CCDC73: variants seen among roughly 807,000 people sequenced by gnomAD.
CCDC73 encodes the protein coiled-coil domain containing 73.
A neutral mutation model predicts 116.5 loss-of-function variants in CCDC73; 95 were observed. That is an observed-to-expected ratio of 0.82 (90% CI 0.69 to 0.97). The LOEUF is 0.97. Among genes scored for constraint, CCDC73 ranks in the 50% least tolerant of loss-of-function variants. The pLI, the probability that CCDC73 is intolerant of heterozygous loss-of-function variation, is 0.00. For synonymous variants in CCDC73, 398 were observed against 401.3 expected (o/e 0.99, Z 0.10); for missense variants, 1,066 against 1,206.8 (o/e 0.88, Z 1.73).
At position 32,677,627 on chromosome 11, in the gene CCDC73, A is replaced by G. The variant is rs565094576; in HGVS notation, c.430-1606T>C. Among the ~76,000 whole-genome samples the G allele has an allele frequency of 1.6e-4, 24 of 152,208 alleles. 4 individuals carry two copies. The highest frequency in any genetic ancestry group is 5.3e-4 in the African/African-American group (22 of 41,520). ...ATGCCTCCCCTAAATTTCCTTTTAC[A>G]TAAGTTAACCAGAGCCATTTCTTAT... On this transcript the variant is annotated intron_variant, in intron 7 of 17. Coordinates refer to ENST00000335185, the MANE Select transcript of CCDC73 (RefSeq NM_001008391.4).
chr11:32,672,894 T>C (rs2133284588), intron 9 of CCDC73, among the ~76,000 whole-genome samples: 1 of 152,278 alleles, frequency 6.6e-6, no homozygotes, highest in Middle Eastern at 3.4e-3. Context: ...TACTTTCTGA[T>C]CCCTCAGGTA....
intron 2 of CCDC73, among the ~76,000 whole-genome samples, chr11:32,757,635 G>A (rs1000276302): frequency 6.6e-6 from 1 of 152,170 alleles, no homozygotes; most frequent in Non-Finnish European, 1.5e-5. Context: ...CCATTTCCTT[G>A]CTTCTTCCAG....
intron 9 of CCDC73, among the ~76,000 whole-genome samples, chr11:32,668,523 C>T (rs1856008260): frequency 7.4e-6 from 1 of 134,504 alleles, no homozygotes; most frequent in South Asian, 2.6e-4. Context: ...ATTGGATTTA[C>T]TCAGGATAAA....
At chr11:32,689,188 C>T (rs1455864772) in intron 6 of CCDC73, among the ~76,000 whole-genome samples, 1 of 152,088 alleles carries the variant, frequency 6.6e-6, no homozygotes, top group African/African-American at 2.4e-5. Flanking sequence ...ACTTGGAGTA[C>T]AAAAGGGTAT....
At chr11:32,737,050 T>TGG (rs1850137914) in intron 2 of CCDC73, among the ~76,000 whole-genome samples, 7 of 151,528 alleles carry the variant, frequency 4.6e-5, no homozygotes, top group African/African-American at 1.7e-4. Flanking sequence ...GCCTCCCTAG[T>TGG]AGCTGCAACT....
chr11:32,756,728 G>A (rs1044949818), intron 2 of CCDC73, among the ~76,000 whole-genome samples: 1 of 151,866 alleles, frequency 6.6e-6, no homozygotes, highest in Non-Finnish European at 1.5e-5. Flanking sequence ...AGTAACTGTG[G>A]TTCAGTGTTT....
At chr11:32,761,130 T>G (rs1850388347) in intron 1 of CCDC73, among the ~76,000 whole-genome samples, 1 of 152,178 alleles carries the variant, frequency 6.6e-6, no homozygotes, top group Non-Finnish European at 1.5e-5. Context: ...TCCCCCATCC[T>G]TAACTCTGAG....
intron 17 of CCDC73, among the ~76,000 whole-genome samples, chr11:32,607,673 GC>G (rs757595516): frequency 1.6e-4 from 25 of 152,110 alleles, no homozygotes; most frequent in Admixed American, 3.9e-4. Flanking sequence ...CAGAGTTACT[GC>G]CCTTTAGTCA....
At chr11:32,667,888 C>T (rs1396181703) in intron 9 of CCDC73, among the ~76,000 whole-genome samples, 1 of 152,116 alleles carries the variant, frequency 6.6e-6, no homozygotes, top group African/African-American at 2.4e-5. Flanking sequence ...GAATGAATTG[C>T]TTGTGCTGCT....
intron 2 of CCDC73, among the ~76,000 whole-genome samples, chr11:32,731,687 C>A (rs1850079870): frequency 6.6e-6 from 1 of 152,056 alleles, no homozygotes; most frequent in Non-Finnish European, 1.5e-5. Flanking sequence ...CTCCAACAGA[C>A]CTGCAGCTGA....
At chr11:32,622,494 C>G (rs1351564291) in intron 14 of CCDC73, among the ~76,000 whole-genome samples, 1 of 151,972 alleles carries the variant, frequency 6.6e-6, no homozygotes, top group Admixed American at 6.6e-5. Flanking sequence ...GAACAACACA[C>G]ACTGGGGCCT....
At chr11:32,723,173 GT>G (rs1483184216) in intron 2 of CCDC73, among the ~76,000 whole-genome samples, 1 of 151,954 alleles carries the variant, frequency 6.6e-6, no homozygotes. Context: ...TGGTTATTTG[GT>G]AAAACATCTC....
the CCDC73 span, among the ~76,000 whole-genome samples, chr11:32,828,541 A>C: frequency 1.3e-5 from 2 of 151,992 alleles, no homozygotes; most frequent in Middle Eastern, 3.4e-3. Flanking sequence ...AAGGGGGAAA[A>C]AATGTTTCCC....
chr11:32,795,212 T>G (rs1192214714), upstream of CCDC73, among the ~76,000 whole-genome samples: 3 of 152,172 alleles, frequency 2.0e-5, no homozygotes, highest in Non-Finnish European at 4.4e-5. Flanking sequence ...CTCATGCCTG[T>G]AACCCCAACA....
intron 4 of CCDC73, among the ~76,000 whole-genome samples, chr11:32,701,306 G>A (rs186272580): frequency 3.2e-4 from 48 of 152,092 alleles, no homozygotes; most frequent in Non-Finnish European, 5.3e-4. Context: ...GTACAATTTC[G>A]TAAATCAGAA....
intron 13 of CCDC73, among the ~76,000 whole-genome samples, chr11:32,641,179 A>C (rs188205221): frequency 6.7e-4 from 102 of 152,334 alleles, no homozygotes; most frequent in Non-Finnish European, 7.9e-4. Flanking sequence ...GCATAGTATA[A>C]TTAGCACAAT....
intron 6 of CCDC73, among the ~76,000 whole-genome samples, chr11:32,697,115 G>A (rs916321423): frequency 6.6e-6 from 1 of 151,786 alleles, no homozygotes; most frequent in African/African-American, 2.4e-5. Context: ...GACTACAAGC[G>A]TGAGCCACCA....
intron 14 of CCDC73, among the ~76,000 whole-genome samples, chr11:32,631,214 T>C (rs760741625): frequency 3.3e-5 from 5 of 152,180 alleles, no homozygotes; most frequent in African/African-American, 9.6e-5. Context: ...TAGAGAAGAC[T>C]TGGACAATAC....
At chr11:32,628,041 G>A (rs190971440) in intron 14 of CCDC73, among the ~76,000 whole-genome samples, 2 of 152,216 alleles carry the variant, frequency 1.3e-5, no homozygotes, top group South Asian at 2.1e-4. Flanking sequence ...TCCCTAGAAC[G>A]TATATTGTAT....
Sources: allele counts gnomAD v4.1 joint callset (sites outside exome capture counted in the v4.1 genomes callset), GRCh38; gene constraint gnomAD v4.1.1; transcripts MANE v1.5; gene names NCBI Gene and HGNC (gene_info 2026-07-23, HGNC 2026-07-21).